SRGAP1: variants seen among roughly 807,000 people sequenced by gnomAD.
The protein encoded by SRGAP1 is SLIT-ROBO Rho GTPase activating protein 1.
SRGAP1 carries 43 observed loss-of-function variants against 121.9 expected under a neutral mutation model. The observed-to-expected ratio is 0.35, with a 90% CI of 0.28 to 0.46. The LOEUF (loss-of-function observed/expected upper bound fraction) is 0.46, where lower values mean the gene tolerates loss of function less well. Among genes scored for constraint, SRGAP1 ranks in the 20% least tolerant of loss-of-function variants. The probability of loss-of-function intolerance (pLI) is 1.00; values close to 1 mark genes in which losing one functional copy is unlikely to be tolerated. For missense variants in SRGAP1, 1,102 were observed against 1,350.9 expected, an observed-to-expected ratio of 0.82 and a Z score of 2.89; for synonymous variants, 447 against 485.4, an observed-to-expected ratio of 0.92 and a Z score of 1.04.
chr12:63,995,754 C>T (rs1459715230), intron 3 of SRGAP1, among the ~76,000 whole-genome samples: 1 of 152,060 alleles, frequency 6.6e-6, no homozygotes, highest in African/African-American at 2.4e-5. Context: ...TCAGTTGACT[C>T]ACTTTAGGTA....
chr12:64,091,990 A>G (rs971671463), intron 12 of SRGAP1: 10 of 1,337,922 alleles, frequency 7.5e-6, no homozygotes, highest in South Asian at 1.3e-5. Context: ...AGTCGTGCTC[A>G]TGCTTGGCTT....
Position 63,846,262 on chromosome 12 carries a change from G to T in SRGAP1, c.67+1379G>T, listed in dbSNP as rs573046303. On this transcript the variant is annotated intron_variant, in intron 1 of 21. Transcript: ENST00000355086. ...GCAGATAAGTAATTATTTTCTTAGAGCCAGGTAAACTTTCTAATGAGACTA... is the reference window on the plus strand; with the variant it reads ...GCAGATAAGTAATTATTTTCTTAGATCCAGGTAAACTTTCTAATGAGACTA... Among the ~76,000 whole-genome samples, 12 of 152,224 alleles carry T rather than the reference G, an allele frequency of 7.9e-5. No homozygotes were observed. In the South Asian group the frequency reaches 2.5e-3, roughly 32 times the overall value.
intron 21 of SRGAP1, among the ~76,000 whole-genome samples, chr12:64,131,919 G>A (rs1008046493): frequency 6.6e-6 from 1 of 152,208 alleles, no homozygotes; most frequent in African/African-American, 2.4e-5. Context: ...GCTCATGCCT[G>A]TAATCCCAGC....
intron 3 of SRGAP1, among the ~76,000 whole-genome samples, chr12:64,013,919 C>T (rs2034326781): frequency 6.6e-6 from 1 of 152,116 alleles, no homozygotes; most frequent in Non-Finnish European, 1.5e-5. Flanking sequence ...AACTCAAGCC[C>T]CTCCTACAGG....
rs2036727456 is a variant in SRGAP1 at position 64,128,111 on chromosome 12, G to A, written c.2791G>A (p.Asp931Asn). The A allele has an allele frequency of 3.7e-6, 6 of 1,614,074 alleles. No individual in the cohort carries two copies. The highest frequency in any genetic ancestry group is 1.7e-5 in the Admixed American group (1 of 60,020). The change falls in exon 21 of 22, where the codon GAC (aspartate) becomes AAC (asparagine). Residue 931 changes from aspartate (D) to asparagine (N), a missense_variant. Physicochemically the swap from Asp to Asn is conservative, Grantham distance 23. This residue lies in a region of SRGAP1 where 315 missense variants were observed against 343.1 expected (regional missense o/e 0.92). Transcript: ENST00000355086. ...ISRHDSLKKIDSPPIRRSTSS... is the reference protein window; with the variant it reads ...ISRHDSLKKINSPPIRRSTSS... Reference sequence around the variant, plus strand: ...CCGGCACGACTCCCTCAAGAAGATCGACAGCCCTCCCATTAGAAGGTCCAC... The same window carrying A: ...CCGGCACGACTCCCTCAAGAAGATCAACAGCCCTCCCATTAGAAGGTCCAC...
intron 15 of SRGAP1, among the ~76,000 whole-genome samples, chr12:64,108,155 T>C (rs1040836416): frequency 6.6e-6 from 1 of 152,224 alleles, no homozygotes; most frequent in Non-Finnish European, 1.5e-5. Flanking sequence ...TAGAGAATTA[T>C]ACAAATAATG....
intron 8 of SRGAP1, among the ~76,000 whole-genome samples, chr12:64,077,319 C>G (rs2035755846): frequency 6.6e-6 from 1 of 151,840 alleles, no homozygotes; most frequent in Admixed American, 6.6e-5. Context: ...AAGACGTTGT[C>G]AAGTCAACAA....
At chr12:64,098,527 A>G (rs1259505640) in intron 15 of SRGAP1, among the ~76,000 whole-genome samples, 2 of 152,106 alleles carry the variant, frequency 1.3e-5, no homozygotes, top group Non-Finnish European at 2.9e-5. Flanking sequence ...AAAATTAGCC[A>G]GGCATGGTGG....
intron 18 of SRGAP1, among the ~76,000 whole-genome samples, chr12:64,119,479 C>T (rs369987541): frequency 3.9e-5 from 6 of 152,036 alleles, no homozygotes; most frequent in Admixed American, 3.3e-4. Flanking sequence ...GAATTAATAT[C>T]GTTACAATAT....
In SRGAP1 at chr12:63,844,828, G is replaced by C; in HGVS notation, c.12G>C (p.Pro4=). MST[P]SRFKKDKEII... ...GGAACAGCTGGATAATGTCCACCCC[G>C]AGCCGATTCAAGAAGGACAAAGAGA... The change falls in exon 1 of 22, where the codon CCG becomes CCC. Residue 4 remains proline (P), a synonymous_variant. Coordinates refer to ENST00000355086, the MANE Select transcript of SRGAP1 (RefSeq NM_020762.4). The surrounding 1 kb of genome is among the most constrained non-coding windows in gnomAD (Gnocchi z 4.3). 2 of 1,614,132 alleles carry C rather than the reference G, an allele frequency of 1.2e-6. No homozygotes were observed. The highest frequency in any genetic ancestry group is 1.1e-5 in the South Asian group (1 of 91,080).
At chr12:64,010,656 T>C (rs2034226541) in intron 3 of SRGAP1, among the ~76,000 whole-genome samples, 2 of 152,012 alleles carry the variant, frequency 1.3e-5, no homozygotes, top group African/African-American at 4.8e-5. Context: ...TGGTCCCTGC[T>C]CTCAAAGAAA....
chr12:64,035,587 G>A (rs568638098), intron 4 of SRGAP1, among the ~76,000 whole-genome samples: 103 of 152,256 alleles, frequency 6.8e-4, no homozygotes, highest in African/African-American at 2.3e-3. Context: ...TGAAAAAGGC[G>A]CTAATTATAA....
rs1348125706 is a variant in SRGAP1 at position 64,149,492 on chromosome 12, A to G, written c.*6820A>G. 4 of 152,180 alleles carry G rather than the reference A, an allele frequency of 2.6e-5. No homozygotes were observed. The highest frequency in any genetic ancestry group is 9.7e-5 in the African/African-American group (4 of 41,436). The allele number at this position is 152,180 out of a possible 1,614,324, so 9.4% of individuals were successfully genotyped here. A position where few individuals can be genotyped will look rare whatever the true frequency, so the allele number is the denominator to read the frequency against. ...TCAGTCTGTAGAGTTGTTCCAGGAA[A>G]GACTCCACCATCCTGCTACCCTCAA... On this transcript the variant is annotated 3_prime_UTR_variant, in exon 22 of 22. Coordinates refer to ENST00000355086, the MANE Select transcript of SRGAP1 (RefSeq NM_020762.4).
intron 21 of SRGAP1, among the ~76,000 whole-genome samples, chr12:64,132,348 C>T (rs538817091): frequency 1.3e-5 from 2 of 152,308 alleles, no homozygotes; most frequent in African/African-American, 4.8e-5. Flanking sequence ...GCCCAAGTGG[C>T]AGAGCAGCTT....
intron 12 of SRGAP1, among the ~76,000 whole-genome samples, chr12:64,092,690 C>T (rs1402624762): frequency 6.6e-6 from 1 of 152,004 alleles, no homozygotes; most frequent in Admixed American, 6.6e-5. Context: ...ATTTTCCCAG[C>T]CCCTGGCTTA....
chr12:63,900,525 A>G (rs895743693), intron 1 of SRGAP1, among the ~76,000 whole-genome samples: 7 of 151,574 alleles, frequency 4.6e-5, no homozygotes, highest in Non-Finnish European at 1.0e-4. Flanking sequence ...CTCTAATTAA[A>G]AATAGGGCTG....
intron 8 of SRGAP1, among the ~76,000 whole-genome samples, chr12:64,075,278 C>T (rs1417381615): frequency 3.9e-5 from 6 of 152,252 alleles, no homozygotes; most frequent in Admixed American, 2.0e-4. Context: ...GGCTAGTTAA[C>T]TGCAGCAGGA....
At chr12:63,871,553 C>T (rs971203619) in intron 1 of SRGAP1, among the ~76,000 whole-genome samples, 19 of 152,186 alleles carry the variant, frequency 1.2e-4, no homozygotes, top group African/African-American at 4.1e-4. Flanking sequence ...CATTTGACAC[C>T]TGACTCTAGA....
At chr12:63,865,490 A>G (rs1354636699) in intron 1 of SRGAP1, among the ~76,000 whole-genome samples, 1 of 152,172 alleles carries the variant, frequency 6.6e-6, no homozygotes, top group Non-Finnish European at 1.5e-5. Context: ...GCCAAAAAAA[A>G]AATCTGTGCT....
Sources: allele counts gnomAD v4.1 joint callset (sites outside exome capture counted in the v4.1 genomes callset), GRCh38; gene constraint gnomAD v4.1.1; regional missense constraint gnomAD v4.1.1; non-coding constraint Gnocchi (gnomAD v3.1); transcripts MANE v1.5; gene names NCBI Gene and HGNC (gene_info 2026-07-23, HGNC 2026-07-21).